Variants in CDYL2 observed in about 807,000 individuals in gnomAD.
The protein encoded by CDYL2 is chromodomain Y-like protein 2.
CDYL2 carries 23 observed loss-of-function variants against 49.4 expected under a neutral mutation model. The observed-to-expected ratio is 0.47, with a 90% CI of 0.34 to 0.66. CDYL2 has a LOEUF of 0.66. Among genes scored for constraint, CDYL2 ranks in the 30% least tolerant of loss-of-function variants. CDYL2 has a pLI of 0.01. For missense variants in CDYL2, 678 were observed against 656.4 expected, an observed-to-expected ratio of 1.03 and a Z score of -0.36; for synonymous variants, 360 against 268.8, an observed-to-expected ratio of 1.34 and a Z score of -3.32.
At chr16:80,731,547 A>G (rs986304930) in intron 1 of CDYL2, among the ~76,000 whole-genome samples, 2 of 152,192 alleles carry the variant, frequency 1.3e-5, no homozygotes, top group African/African-American at 4.8e-5. Flanking sequence ...ACATATCCCT[A>G]TAAAAATTCA....
intron 1 of CDYL2, among the ~76,000 whole-genome samples, chr16:80,761,628 G>C (rs1486398522): frequency 1.1e-4 from 16 of 152,246 alleles, no homozygotes; most frequent in Middle Eastern, 3.4e-3. Context: ...AGATCTGAGA[G>C]AGGCCAGGAA....
chr16:80,716,659 G>A (rs1306474680), intron 1 of CDYL2, among the ~76,000 whole-genome samples: 2 of 151,838 alleles, frequency 1.3e-5, no homozygotes, highest in East Asian at 3.9e-4. Flanking sequence ...TGGATGACTG[G>A]ATGAATAGAT....
At chr16:80,636,959 C>G (rs758654002) in intron 2 of CDYL2, among the ~76,000 whole-genome samples, 2 of 152,056 alleles carry the variant, frequency 1.3e-5, no homozygotes, top group Non-Finnish European at 2.9e-5. Flanking sequence ...ATGAGCAGAA[C>G]GCCAAGCACC....
chr16:80,624,555 C>A (rs1907222664), intron 3 of CDYL2, among the ~76,000 whole-genome samples: 1 of 152,138 alleles, frequency 6.6e-6, no homozygotes, highest in South Asian at 2.1e-4. Context: ...AAAAAAAACC[C>A]TAGCAGGAGA....
intron 2 of CDYL2, among the ~76,000 whole-genome samples, chr16:80,652,417 C>T (rs1347960196): frequency 6.6e-6 from 1 of 152,118 alleles, no homozygotes; most frequent in East Asian, 1.9e-4. Flanking sequence ...TATAAAATTA[C>T]CATCCATGAG....
chr16:80,678,092 C>A (rs994189176), intron 2 of CDYL2, among the ~76,000 whole-genome samples: 3 of 152,082 alleles, frequency 2.0e-5, no homozygotes, highest in Admixed American at 2.0e-4. Flanking sequence ...CTTCCTTACA[C>A]CTTATACAAA....
At chr16:80,607,383 T>C (rs957848002) in intron 6 of CDYL2, among the ~76,000 whole-genome samples, 11 of 152,140 alleles carry the variant, frequency 7.2e-5, no homozygotes, top group African/African-American at 2.7e-4. Flanking sequence ...GGCAAGGGTC[T>C]GGCCCCAAAA....
chr16:80,672,643 C>T (rs573292039), intron 2 of CDYL2, among the ~76,000 whole-genome samples: 48 of 148,468 alleles, frequency 3.2e-4, no homozygotes, highest in African/African-American at 1.1e-3. Context: ...GAAAGAGGAC[C>T]ACAATTCTGG....
At chr16:80,757,720 A>G (rs923529594) in intron 1 of CDYL2, among the ~76,000 whole-genome samples, 11 of 152,102 alleles carry the variant, frequency 7.2e-5, no homozygotes, top group African/African-American at 4.8e-5. Context: ...AAAATTGAAC[A>G]GAACAAAATA....
intron 2 of CDYL2, among the ~76,000 whole-genome samples, chr16:80,675,118 G>A (rs1431833203): frequency 1.3e-5 from 2 of 152,196 alleles, no homozygotes; most frequent in African/African-American, 4.8e-5. Flanking sequence ...TGCCTCAAAG[G>A]CAGGCCCAGG....
rs35071485 is a variant in CDYL2, at chr16:80,702,183, A to AACACACACACAC, written c.25-17066_25-17055dup. Among the ~76,000 whole-genome samples the AACACACACACAC allele has an allele frequency of 8.5e-3, 1,216 of 142,834 alleles. 14 individuals are homozygous for AACACACACACAC. The highest frequency in any genetic ancestry group is 0.031 in the African/African-American group (1,170 of 38,222). 93.7% of individuals were successfully genotyped at this position (142,834 alleles called of 152,430 possible). A position where few individuals can be genotyped will look rare whatever the true frequency, so the allele number is the denominator to read the frequency against. ...AGGTTCCAAGAGTCAGAAGGCCTAAAACACACACACACACACACACACACA... is the reference window on the plus strand; with the variant it reads ...AGGTTCCAAGAGTCAGAAGGCCTAAAACACACACACACACACACACACACACACACACACACA... On this transcript the variant is annotated intron_variant, in intron 1 of 6. Coordinates refer to ENST00000570137, the MANE Select transcript of CDYL2 (RefSeq NM_152342.4).
intron 1 of CDYL2, 61 bp downstream of exon 1, chr16:80,804,089 G>GCCGCCGCCGC (rs913553229): frequency 2.0e-5 from 18 of 899,594 alleles, no homozygotes; most frequent in South Asian, 1.0e-4. Flanking sequence ...CCCGCCGCCC[G>GCCGCCGCCGC]CCGCCGCCGC....
chr16:80,723,566 A>T (rs181073100), intron 1 of CDYL2, among the ~76,000 whole-genome samples: 1 of 152,184 alleles, frequency 6.6e-6, no homozygotes, highest in Non-Finnish European at 1.5e-5. Flanking sequence ...TCTTATCCCA[A>T]TGAGATACTG....
chr16:80,699,648 A>G (rs1468922640), intron 1 of CDYL2, among the ~76,000 whole-genome samples: 1 of 152,258 alleles, frequency 6.6e-6, no homozygotes, highest in Non-Finnish European at 1.5e-5. Context: ...GTATTTTCAA[A>G]TAACTAGAAA....
chr16:80,721,401 A>T (rs1174053158), intron 1 of CDYL2, among the ~76,000 whole-genome samples: 1 of 152,176 alleles, frequency 6.6e-6, no homozygotes, highest in Non-Finnish European at 1.5e-5. Context: ...CCTGATTCAC[A>T]AGCTTCTTTT....
chr16:80,657,411 G>T (rs1384809774), intron 2 of CDYL2, among the ~76,000 whole-genome samples: 5 of 152,024 alleles, frequency 3.3e-5, no homozygotes, highest in Non-Finnish European at 5.9e-5. Flanking sequence ...CAATTGTAAA[G>T]AACTTTTAAA....
intron 2 of CDYL2, among the ~76,000 whole-genome samples, chr16:80,643,900 C>A (rs1343192092): frequency 6.6e-6 from 1 of 152,240 alleles, no homozygotes; most frequent in Non-Finnish European, 1.5e-5. Flanking sequence ...ATCTTCCCCA[C>A]TGTCTTGGGG....
At position 80,665,351 on chromosome 16, in the gene CDYL2, G is replaced by T. The variant is rs150566643; in HGVS notation, c.616+19187C>A. On this transcript the variant is annotated intron_variant, in intron 2 of 6. Coordinates refer to ENST00000570137, the MANE Select transcript of CDYL2 (RefSeq NM_152342.4). ...ACTGGAATATTTGGCTCTTTCCTCA[G>T]TTCTTCCCACAGGAATATGAGTTGG... 8.2e-3 allele frequency among the ~76,000 whole-genome samples: 1,241 copies of T among 152,048 alleles called. 12 individuals are homozygous for T. Among genetic ancestry groups the T allele is most frequent in the Non-Finnish European group, 0.014 (923 of 67,986 alleles).
intron 1 of CDYL2, among the ~76,000 whole-genome samples, chr16:80,745,173 A>G (rs1424574197): frequency 6.6e-6 from 1 of 152,148 alleles, no homozygotes; most frequent in African/African-American, 2.4e-5. Context: ...TGAGAGGTTC[A>G]AGCAAACTGC....
Sources: allele counts gnomAD v4.1 joint callset (sites outside exome capture counted in the v4.1 genomes callset), GRCh38; gene constraint gnomAD v4.1.1; transcripts MANE v1.5; gene names NCBI Gene and HGNC (gene_info 2026-07-23, HGNC 2026-07-21).